The following WWOX variants were observed in gnomAD, a reference collection of about 807,000 sequenced individuals.
WWOX encodes WW domain containing oxidoreductase.
WWOX carries 69 observed loss-of-function variants against 46.2 expected under a neutral mutation model. The observed-to-expected ratio is 1.49, with a 90% CI of 1.23 to 1.82. WWOX has a LOEUF of 1.82. WWOX is among the 40% of genes most tolerant of loss of function. The pLI, the probability that WWOX is intolerant of heterozygous loss-of-function variation, is 0.00. For synonymous variants in WWOX, 359 were observed against 202.6 expected, an observed-to-expected ratio of 1.77 and a Z score of -6.56; for missense variants, 919 against 542.6, an observed-to-expected ratio of 1.69 and a Z score of -6.89.
rs2083659808 is a variant in WWOX at position 78,450,177 on chromosome 16, C to A, written c.1056+17425C>A. Among the ~76,000 whole-genome samples the A allele has an allele frequency of 2.0e-5, 3 of 152,244 alleles. No homozygotes were observed. In the South Asian group the frequency reaches 6.2e-4, roughly 32 times the overall value. Reference sequence around the variant, plus strand: ...TAATTTAGCAAAATTCAAATTTCCCCTATGAAATATCAAGCTCTTTTTATG... The same window carrying A: ...TAATTTAGCAAAATTCAAATTTCCCATATGAAATATCAAGCTCTTTTTATG... On this transcript the variant is annotated intron_variant, in intron 8 of 8. Transcript: ENST00000566780.
chr16:78,313,013 G>A (rs1345124442), intron 5 of WWOX, among the ~76,000 whole-genome samples: 6 of 151,882 alleles, frequency 4.0e-5, no homozygotes, highest in Admixed American at 6.5e-5. Context: ...TTTCATTCAC[G>A]GGGGCAGATT....
At chr16:78,919,385 CTT>C (rs2045324511) in intron 8 of WWOX, among the ~76,000 whole-genome samples, 1 of 151,988 alleles carries the variant, frequency 6.6e-6, no homozygotes, top group African/African-American at 2.4e-5. Flanking sequence ...CTAGAATTGT[CTT>C]TGTGTATTTT....
chr16:78,987,049 T>G (rs1275458113), intron 8 of WWOX, among the ~76,000 whole-genome samples: 2 of 152,150 alleles, frequency 1.3e-5, no homozygotes, highest in African/African-American at 2.4e-5. Context: ...AGGGCTTTCT[T>G]AAAGGACACA....
intron 8 of WWOX, among the ~76,000 whole-genome samples, chr16:78,708,855 T>C (rs1054453396): frequency 6.6e-6 from 1 of 152,204 alleles, no homozygotes; most frequent in African/African-American, 2.4e-5. Flanking sequence ...GCAAAGGGCT[T>C]GTATGCAAAG....
Position 78,894,020 on chromosome 16 carries a change from TTTA to T in WWOX, c.1057-317559_1057-317557del, listed in dbSNP as rs6145911. Among the ~76,000 whole-genome samples, 1,318 of 140,064 alleles carry T rather than the reference TTTA, an allele frequency of 9.4e-3. 16 individuals carry two copies. Among genetic ancestry groups the T allele is most frequent in the African/African-American group, 0.032 (1,226 of 38,408 alleles). 91.9% of individuals were successfully genotyped at this position (140,064 alleles called of 152,430 possible). On this transcript the variant is annotated intron_variant, in intron 8 of 8. Transcript: ENST00000566780. ...TAGAGTAATGTCTTTTATTGAGGCT[TTTA>T]TTATTATTATTATTATTATTATTAT...
intron 8 of WWOX, among the ~76,000 whole-genome samples, chr16:78,996,671 G>T (rs540134335): frequency 1.1e-3 from 172 of 152,214 alleles, no homozygotes; most frequent in African/African-American, 3.9e-3. Context: ...CCCCCAAAAT[G>T]TGGGGACAAT....
chr16:78,999,250 C>A (rs546226461), intron 8 of WWOX, among the ~76,000 whole-genome samples: 2 of 151,842 alleles, frequency 1.3e-5, no homozygotes, highest in African/African-American at 4.8e-5. Context: ...GCAGGCGGAT[C>A]ATCTGAGGTC....
chr16:78,132,607 C>G (rs2033642613), intron 4 of WWOX, among the ~76,000 whole-genome samples: 1 of 152,148 alleles, frequency 6.6e-6, no homozygotes, highest in Non-Finnish European at 1.5e-5. Flanking sequence ...TTTATGTACT[C>G]TTGAGATGGT....
intron 8 of WWOX, among the ~76,000 whole-genome samples, chr16:78,650,650 G>T (rs777000859): frequency 2.0e-5 from 3 of 152,194 alleles, no homozygotes; most frequent in Non-Finnish European, 4.4e-5. Flanking sequence ...TAATGGAGGT[G>T]TTCTCAGGAA....
intron 6 of WWOX, among the ~76,000 whole-genome samples, chr16:78,397,158 A>C (rs1289837234): frequency 6.6e-6 from 1 of 152,216 alleles, no homozygotes; most frequent in East Asian, 1.9e-4. Context: ...GAAAGAGTTT[A>C]AGTGGAACAG....
At chr16:78,440,499 C>G (rs1466882863) in intron 8 of WWOX, among the ~76,000 whole-genome samples, 3 of 152,192 alleles carry the variant, frequency 2.0e-5, no homozygotes, top group Non-Finnish European at 4.4e-5. Flanking sequence ...GCCTAGAATA[C>G]TGCCTGACTC....
chr16:78,120,901 T>A (rs2033061953), intron 4 of WWOX, among the ~76,000 whole-genome samples: 1 of 152,222 alleles, frequency 6.6e-6, no homozygotes, highest in African/African-American at 2.4e-5. Context: ...CAGCTTCCTT[T>A]ACACCTTTGC....
chr16:78,451,433 G>A (rs58566873), intron 8 of WWOX, among the ~76,000 whole-genome samples: 11,100 of 152,226 alleles, frequency 0.073, 491 homozygotes, highest in East Asian at 0.2. Flanking sequence ...GAGCATATTT[G>A]GCTGAGTTTG....
intron 8 of WWOX, among the ~76,000 whole-genome samples, chr16:78,641,925 C>G (rs1001765366): frequency 3.3e-5 from 5 of 152,124 alleles, no homozygotes; most frequent in Non-Finnish European, 7.3e-5. Context: ...CCAAATAGAT[C>G]TTGATCGCAG....
intron 8 of WWOX, among the ~76,000 whole-genome samples, chr16:79,130,953 A>G (rs2049865789): frequency 6.6e-6 from 1 of 152,232 alleles, no homozygotes; most frequent in African/African-American, 2.4e-5. Flanking sequence ...GTTGGCCATA[A>G]GTGAAACTAG....
At chr16:78,937,601 C>CTTTATTTATTTA (rs10691593) in intron 8 of WWOX, among the ~76,000 whole-genome samples, 1 of 142,548 alleles carries the variant, frequency 7.0e-6, no homozygotes, top group East Asian at 2.0e-4. Context: ...AGCTATAGAG[C>CTTTATTTATTTA]TTTATTTATT....
intron 8 of WWOX, among the ~76,000 whole-genome samples, chr16:78,832,069 T>A (rs1567591176): frequency 6.6e-6 from 1 of 152,198 alleles, no homozygotes; most frequent in Non-Finnish European, 1.5e-5. Flanking sequence ...AATCTCATTG[T>A]CTTTGTGGGT....
intron 5 of WWOX, among the ~76,000 whole-genome samples, chr16:78,375,468 C>T (rs1435303852): frequency 6.6e-6 from 1 of 152,168 alleles, no homozygotes; most frequent in East Asian, 1.9e-4. Flanking sequence ...TAAAGCCTGT[C>T]CTGAAAACGT....
intron 8 of WWOX, among the ~76,000 whole-genome samples, chr16:78,657,776 A>G (rs937697505): frequency 7.3e-5 from 11 of 151,254 alleles, no homozygotes; most frequent in Admixed American, 5.9e-4. Flanking sequence ...TTGACTCTGG[A>G]TTTTCATTGT....
Sources: allele counts gnomAD v4.1 joint callset (sites outside exome capture counted in the v4.1 genomes callset), GRCh38; gene constraint gnomAD v4.1.1; transcripts MANE v1.5; gene names NCBI Gene and HGNC (gene_info 2026-07-23, HGNC 2026-07-21).